The following LPA variants were observed in gnomAD, a reference collection of about 807,000 sequenced individuals.
The protein encoded by LPA is lipoprotein(a).
A neutral mutation model predicts 197.9 loss-of-function variants in LPA; 199 were observed. That is an observed-to-expected ratio of 1.01 (90% CI 0.90 to 1.13). The LOEUF (loss-of-function observed/expected upper bound fraction) is 1.13. LPA is among the 50% of genes most tolerant of loss of function. The pLI, the probability that LPA is intolerant of heterozygous loss-of-function variation, is 0.00. For synonymous variants in LPA, 715 were observed against 639.5 expected, an observed-to-expected ratio of 1.12 and a Z score of -1.78; for missense variants, 1,853 against 1,785.8, an observed-to-expected ratio of 1.04 and a Z score of -0.68.
rs779570938 is a variant in LPA at position 160,606,482 on chromosome 6, T to C, written c.2780A>G (p.Glu927Gly). ...TPIPSLEAPS[E>G]QAPTEQRPGV... The stretch of plus-strand genomic sequence containing the variant: ...TCTGGCCACAGGCTCCTTACCTTGT[T>C]CAGAAGGAGCCTCTAGGCTTGGAAT... The change falls in exon 17 of 39, where the codon GAA (glutamate) becomes GGA (glycine). Residue 927 changes from glutamate (E) to glycine (G), a missense_variant. Around this residue, in one of 3 missense-constraint regions of LPA, gnomAD observed 1,737 missense variants for 1,504.4 expected, o/e 1.15. Coordinates refer to ENST00000316300, the MANE Select transcript of LPA (RefSeq NM_005577.4). 6.2e-7 allele frequency: 1 copy of C among 1,613,402 alleles called. No individual in the cohort carries two copies. The highest frequency in any genetic ancestry group is 1.7e-5 in the Admixed American group (1 of 60,026).
In LPA at chr6:160,647,081, A is replaced by C. The variant is rs1361968943; in HGVS notation, c.210-686T>G. Among the ~76,000 whole-genome samples, 3 of 152,206 alleles carry C rather than the reference A, an allele frequency of 2.0e-5. No homozygotes were observed. The East Asian group carries it at 5.8e-4, about 29-fold the overall frequency. The stretch of plus-strand genomic sequence containing the variant: ...GAAAACTTGCTCCCAGGCAGAATGC[A>C]GTATCTCTAGAATGGGTTCCTGGGC... On this transcript the variant is annotated intron_variant, in intron 2 of 38. Coordinates refer to ENST00000316300, the MANE Select transcript of LPA (RefSeq NM_005577.4).
rs1292667150 is a variant in LPA at position 160,556,137 on chromosome 6, C to T, written c.4861G>A (p.Gly1621Ser). ...GAGAATGTGCCTCGATAACTCTGGC[C>T]ATTACCATGGTAGCACTGCCGGACC... is the stretch of plus-strand genomic sequence containing the variant. The part of the protein sequence containing the change: ...PVVRQCYHGN[G>S]QSYRGTFSTT... Residue 1621 changes from glycine to serine, a missense_variant, in exon 30 of 39, where the codon GGC becomes AGC. Gly to Ser is a moderately conservative substitution (Grantham distance 56). This residue lies in a region of LPA where 1,737 missense variants were observed against 1,504.4 expected (regional missense o/e 1.15). Transcript: ENST00000316300. 6.2e-7 allele frequency: 1 copy of T among 1,613,726 alleles called. No individual in the cohort carries two copies. The highest frequency in any genetic ancestry group is 1.3e-5 in the African/African-American group (1 of 74,832).
chr6:160,566,789 G>A (rs1583583330), intron 28 of LPA, among the ~76,000 whole-genome samples: 1 of 152,158 alleles, frequency 6.6e-6, no homozygotes, highest in Non-Finnish European at 1.5e-5. Context: ...ATAAAGGGAT[G>A]GAGGAAGATC....
intron 26 of LPA, among the ~76,000 whole-genome samples, chr6:160,580,337 T>G (rs1477825439): frequency 6.6e-6 from 1 of 152,230 alleles, no homozygotes; most frequent in Non-Finnish European, 1.5e-5. Flanking sequence ...ATAGTTTTTA[T>G]TTTGAGTTTA....
chr6:160,591,398 A>G (rs914635327), intron 22 of LPA, among the ~76,000 whole-genome samples: 1 of 152,198 alleles, frequency 6.6e-6, no homozygotes, highest in African/African-American at 2.4e-5. Flanking sequence ...CCTTCTGCCA[A>G]ATATGTTACT....
At chr6:160,532,685 G>A in intron 37 of LPA, 36 bp from the exon 38 acceptor site, 1 of 1,359,868 alleles carries the variant, frequency 7.4e-7, no homozygotes, top group Non-Finnish European at 1.0e-6. Context: ...GGTTACTGAG[G>A]CCAAAGCTTG....
At chr6:160,556,589 G>C (rs41264312) in intron 29 of LPA, among the ~76,000 whole-genome samples, 178 of 152,270 alleles carry the variant, frequency 1.2e-3, no homozygotes, top group African/African-American at 4.1e-3. Flanking sequence ...TTCCCTAGAT[G>C]ATTGCTCCTG....
chr6:160,603,970 G>C (rs919740863), intron 18 of LPA, among the ~76,000 whole-genome samples: 1 of 152,120 alleles, frequency 6.6e-6, no homozygotes, highest in Non-Finnish European at 1.5e-5. Context: ...TGCTATGAGG[G>C]CTCTGTCCTC....
Position 160,545,535 on chromosome 6 carries a change from T to C in LPA, c.5305-2A>G, listed in dbSNP as rs1406233425. ...GTCACCATCAGGGTTACGGCAGTAC[T>C]GAAAACAAGCAGGCATGTAAGCTCC... On this transcript the variant is annotated splice_acceptor_variant, in intron 32 of 38. Transcript: ENST00000316300. LOFTEE classifies it high-confidence loss of function. 6.3e-7 allele frequency: 1 copy of C among 1,597,640 alleles called. No homozygotes were observed. The highest frequency in any genetic ancestry group is 2.2e-5 in the East Asian group (1 of 44,810).
At chr6:160,599,781 T>A in intron 19 of LPA, 122 bp from the exon 20 acceptor site, 1 of 1,066,946 alleles carries the variant, frequency 9.4e-7, no homozygotes. Context: ...TATTCTTTAT[T>A]AATAGGCAAA....
At chr6:160,563,593 C>A (rs762956289) in intron 28 of LPA, among the ~76,000 whole-genome samples, 29 of 152,162 alleles carry the variant, frequency 1.9e-4, no homozygotes, top group Non-Finnish European at 3.5e-4. Context: ...CAGCTTGGTC[C>A]AGAGCTGAAT....
At chr6:160,576,329 T>C (rs1348944042) in intron 28 of LPA, among the ~76,000 whole-genome samples, 2 of 48,792 alleles carry the variant, frequency 4.1e-5, no homozygotes, top group African/African-American at 2.8e-4. Flanking sequence ...TATGTGTGTG[T>C]GTGTGTGTGT....
chr6:160,584,708 G>A (rs1778874348), intron 26 of LPA, among the ~76,000 whole-genome samples: 1 of 152,112 alleles, frequency 6.6e-6, no homozygotes, highest in Non-Finnish European at 1.5e-5. Context: ...TAGAATGATA[G>A]AATTGCATGG....
At chr6:160,538,006 A>G (rs1481033109) in intron 36 of LPA, 45 bp from the exon 37 acceptor site, 13 of 1,550,250 alleles carry the variant, frequency 8.4e-6, no homozygotes, top group Non-Finnish European at 1.2e-5. Context: ...CCCAGCTGGA[A>G]GTGGCAGTAC....
intron 16 of LPA, 117 bp downstream of exon 16, chr6:160,611,445 C>T (rs878907325): frequency 6.6e-6 from 10 of 1,524,528 alleles, no homozygotes; most frequent in Admixed American, 5.0e-5. Flanking sequence ...AGACATTTTG[C>T]TACACCATCT....
intron 23 of LPA, 37 bp downstream of exon 23, chr6:160,590,907 G>C (rs759821833): frequency 5.6e-6 from 9 of 1,613,404 alleles, no homozygotes; most frequent in East Asian, 4.5e-5. Flanking sequence ...TTATCCCAAC[G>C]TCCAAGGGTG....
chr6:160,583,841 T>A (rs1385760227), intron 26 of LPA, among the ~76,000 whole-genome samples: 1 of 152,220 alleles, frequency 6.6e-6, no homozygotes, highest in Admixed American at 6.5e-5. Context: ...TGCCCTTAAG[T>A]CTAGGAAGGG....
intron 37 of LPA, among the ~76,000 whole-genome samples, chr6:160,534,499 G>A (rs1777855445): frequency 6.6e-6 from 1 of 152,178 alleles, no homozygotes; most frequent in African/African-American, 2.4e-5. Context: ...CCCAGTGATT[G>A]CAGATGAGAC....
chr6:160,594,580 C>A (rs755821608), intron 21 of LPA, among the ~76,000 whole-genome samples: 28 of 152,154 alleles, frequency 1.8e-4, no homozygotes, highest in Non-Finnish European at 2.9e-4. Context: ...GGGCAGGAAG[C>A]GGTCCTGCAT....
Sources: gnomAD v4.1 joint callset for allele counts (sites outside exome capture counted in the v4.1 genomes callset) on GRCh38, gnomAD v4.1.1 for gene constraint, gnomAD v4.1.1 regional missense constraint, MANE v1.5 for transcripts, NCBI Gene and HGNC (gene_info 2026-07-23, HGNC 2026-07-21) for gene names.